ENOX1: variants seen among roughly 807,000 people sequenced by gnomAD.
ENOX1 encodes the protein ecto-NOX disulfide-thiol exchanger 1, also known as candidate growth-related and time keeping constitutive hydroquinone (NADH) oxidase.
ENOX1 carries 42 observed loss-of-function variants against 82.5 expected under a neutral mutation model. The observed-to-expected ratio is 0.51, with a 90% confidence interval of 0.40 to 0.66. The LOEUF is 0.66. Ranked by LOEUF, ENOX1 falls within the 30% of genes least tolerant of loss-of-function variation. ENOX1 has a pLI of 0.00. For missense variants in ENOX1, 608 were observed against 811.6 expected (o/e 0.75, Z 3.05); for synonymous variants, 271 against 282.2 (o/e 0.96, Z 0.40).
chr13:43,635,529 G>T (rs550432758), intron 2 of ENOX1, among the ~76,000 whole-genome samples: 5 of 152,272 alleles, frequency 3.3e-5, no homozygotes, highest in Non-Finnish European at 5.9e-5. Context: ...AGATAAACGT[G>T]CTAGAAGGAA....
At chr13:43,446,996 A>T (rs1461184772) in intron 3 of ENOX1, among the ~76,000 whole-genome samples, 1 of 152,232 alleles carries the variant, frequency 6.6e-6, no homozygotes, top group East Asian at 1.9e-4. Context: ...CTGGCAAATG[A>T]AATTTGCCTT....
At chr13:43,404,181 G>C (rs1336332735) in intron 5 of ENOX1, among the ~76,000 whole-genome samples, 2 of 152,124 alleles carry the variant, frequency 1.3e-5, no homozygotes, top group Admixed American at 1.3e-4. Flanking sequence ...ACGAGTCACA[G>C]GTCACTTATC....
At chr13:43,395,366 A>G (rs1223969811) in intron 5 of ENOX1, among the ~76,000 whole-genome samples, 2 of 152,184 alleles carry the variant, frequency 1.3e-5, no homozygotes, top group Non-Finnish European at 2.9e-5. Context: ...AAATATAAAA[A>G]TTAGTCAAGT....
intron 1 of ENOX1, among the ~76,000 whole-genome samples, chr13:43,728,657 A>G (rs751143718): frequency 2.0e-5 from 3 of 152,108 alleles, no homozygotes; most frequent in Admixed American, 6.5e-5. Flanking sequence ...AAACAAAACC[A>G]TATTTGTTTA....
At chr13:43,618,190 T>C (rs1356717524) in intron 2 of ENOX1, among the ~76,000 whole-genome samples, 1 of 152,192 alleles carries the variant, frequency 6.6e-6, no homozygotes, top group African/African-American at 2.4e-5. Flanking sequence ...TCCCACTCTG[T>C]GGTTTGTGTG....
intron 16 of ENOX1, among the ~76,000 whole-genome samples, chr13:43,221,032 C>A (rs184617396): frequency 4.3e-4 from 66 of 152,324 alleles, no homozygotes; most frequent in Admixed American, 1.2e-3. Context: ...TGATTCTCCC[C>A]TCTGTGGGAA....
intron 2 of ENOX1, among the ~76,000 whole-genome samples, chr13:43,618,638 T>C (rs925829489): frequency 3.9e-5 from 6 of 152,144 alleles, no homozygotes; most frequent in Non-Finnish European, 7.4e-5. Context: ...TTTTGGTGAC[T>C]ATGGCCTTAT....
chr13:43,427,974 G>T lies in ENOX1; in HGVS notation c.-74-14986C>A, dbSNP rs571521433. On this transcript the variant is annotated intron_variant, in intron 3 of 16. Coordinates refer to ENST00000690772, the MANE Select transcript of ENOX1 (RefSeq NM_001347969.2). ...CCAGGAGTAGTAAGTTGCTTGGAGG[G>T]AAAGTGCCAACATCAGCAATGCACC... is the stretch of plus-strand genomic sequence containing the variant. Among the ~76,000 whole-genome samples, 279 of 152,294 alleles carry T rather than the reference G, an allele frequency of 1.8e-3. 2 individuals are homozygous for T. The highest frequency in any genetic ancestry group is 5.4e-3 in the African/African-American group (224 of 41,566).
rs570895093 is a variant in ENOX1 at position 43,585,546 on chromosome 13, A to T, written c.-219+81933T>A. Among the ~76,000 whole-genome samples, 3 of 152,200 alleles carry T rather than the reference A, an allele frequency of 2.0e-5. No homozygotes were observed. In the East Asian group the frequency reaches 5.8e-4, roughly 29 times the overall value. On this transcript the variant is annotated intron_variant, in intron 2 of 16. Coordinates refer to ENST00000690772, the MANE Select transcript of ENOX1 (RefSeq NM_001347969.2). Reference sequence around the variant, plus strand: ...CCACTTGACTTGCCAAGACCTATTGATTCTGTCTCCTAAATTCTTTTAAGT... The same window carrying T: ...CCACTTGACTTGCCAAGACCTATTGTTTCTGTCTCCTAAATTCTTTTAAGT...
At chr13:43,611,997 C>T (rs1301558763) in intron 2 of ENOX1, among the ~76,000 whole-genome samples, 5 of 152,236 alleles carry the variant, frequency 3.3e-5, no homozygotes, top group Admixed American at 3.3e-4. Context: ...CAGTTTTTTA[C>T]AGTCATTCAT....
At chr13:43,377,340 G>C (rs1353673458) in intron 5 of ENOX1, among the ~76,000 whole-genome samples, 1 of 152,174 alleles carries the variant, frequency 6.6e-6, no homozygotes, top group South Asian at 2.1e-4. Context: ...CCAGATGGCT[G>C]AGCAGATGCT....
At chr13:43,752,804 C>T (rs1950389955) in intron 1 of ENOX1, among the ~76,000 whole-genome samples, 1 of 151,960 alleles carries the variant, frequency 6.6e-6, no homozygotes, top group Non-Finnish European at 1.5e-5. Context: ...CAAATTTAGT[C>T]CTCCAACCTT....
At chr13:43,410,444 T>C (rs548586848) in intron 5 of ENOX1, among the ~76,000 whole-genome samples, 1 of 152,298 alleles carries the variant, frequency 6.6e-6, no homozygotes, top group Admixed American at 6.5e-5. Context: ...ATGAATTTGA[T>C]AGCATTTTGA....
chr13:43,254,645 A>G (rs778044219), intron 14 of ENOX1, among the ~76,000 whole-genome samples: 8 of 152,244 alleles, frequency 5.3e-5, no homozygotes, highest in Non-Finnish European at 8.8e-5. Context: ...GCAGGGACTG[A>G]TTAAAGAAAT....
chr13:43,501,750 AAAT>A (rs1396488264), intron 2 of ENOX1, among the ~76,000 whole-genome samples: 1 of 150,662 alleles, frequency 6.6e-6, no homozygotes, highest in African/African-American at 2.4e-5. Flanking sequence ...GCATCAAAAG[AAAT>A]AATAAGAGGG....
At chr13:43,583,864 T>C (rs2080860167) in intron 2 of ENOX1, among the ~76,000 whole-genome samples, 1 of 152,064 alleles carries the variant, frequency 6.6e-6, no homozygotes, top group African/African-American at 2.4e-5. Context: ...CTTATGTACC[T>C]TTGTATTCTA....
intron 3 of ENOX1, among the ~76,000 whole-genome samples, chr13:43,474,832 T>C (rs983299620): frequency 6.6e-6 from 1 of 151,996 alleles, no homozygotes; most frequent in African/African-American, 2.4e-5. Flanking sequence ...GAAAAACAAA[T>C]ATAGAGTGAT....
At chr13:43,390,116 T>C (rs1293427037) in intron 5 of ENOX1, among the ~76,000 whole-genome samples, 2 of 152,214 alleles carry the variant, frequency 1.3e-5, no homozygotes, top group Non-Finnish European at 2.9e-5. Flanking sequence ...TGCGGCATTA[T>C]TTCACAGCAG....
intron 1 of ENOX1, among the ~76,000 whole-genome samples, chr13:43,699,240 G>C (rs1056968359): frequency 4.6e-5 from 7 of 152,142 alleles, no homozygotes; most frequent in Non-Finnish European, 1.5e-5. Context: ...GCCTCCTATG[G>C]AATCATCAAC....
Sources: allele counts gnomAD v4.1 joint callset (sites outside exome capture counted in the v4.1 genomes callset), GRCh38; gene constraint gnomAD v4.1.1; transcripts MANE v1.5; gene names NCBI Gene and HGNC (gene_info 2026-07-23, HGNC 2026-07-21).